Variants in CNTNAP2 observed in about 807,000 individuals in gnomAD.
CNTNAP2 encodes the protein contactin associated protein 2.
CNTNAP2 carries 98 observed loss-of-function variants against 155.2 expected under a neutral mutation model. The observed-to-expected ratio is 0.63, with a 90% CI of 0.54 to 0.75. CNTNAP2 has a LOEUF of 0.75. CNTNAP2 is among the 30% of genes least tolerant of loss of function. The pLI is 0.00. For missense variants in CNTNAP2, 1,727 were observed against 1,688.1 expected (o/e 1.02, Z -0.40); for synonymous variants, 651 against 631.2 (o/e 1.03, Z -0.47).
intron 3 of CNTNAP2, among the ~76,000 whole-genome samples, chr7:146,891,104 T>C (rs1046752283): frequency 2.0e-5 from 3 of 152,206 alleles, no homozygotes; most frequent in African/African-American, 4.8e-5. Context: ...GCAACATGGA[T>C]GCAGCTAGAG....
intron 1 of CNTNAP2, among the ~76,000 whole-genome samples, chr7:146,118,873 CTTAA>C (rs1456685873): frequency 1.3e-5 from 2 of 151,888 alleles, no homozygotes; most frequent in African/African-American, 2.4e-5. Flanking sequence ...TGTGTAATGG[CTTAA>C]TTAAGGTGGC....
chr7:147,275,487 T>C (rs1388386187), intron 8 of CNTNAP2, among the ~76,000 whole-genome samples: 1 of 152,038 alleles, frequency 6.6e-6, no homozygotes, highest in Middle Eastern at 3.2e-3. Flanking sequence ...GCTCGAATGC[T>C]ATTGGTGTAT....
chr7:146,735,301 C>T (rs1801593156), intron 1 of CNTNAP2, among the ~76,000 whole-genome samples: 1 of 152,074 alleles, frequency 6.6e-6, no homozygotes, highest in Non-Finnish European at 1.5e-5. Context: ...GCCTGTAATC[C>T]CGGCACTTTG....
At chr7:147,698,431 T>G (rs1796191373) in intron 13 of CNTNAP2, among the ~76,000 whole-genome samples, 1 of 152,254 alleles carries the variant, frequency 6.6e-6, no homozygotes, top group African/African-American at 2.4e-5. Flanking sequence ...CTATTATTGA[T>G]AGATTTGTTT....
At chr7:148,180,103 C>G (rs1327747411) in intron 18 of CNTNAP2, among the ~76,000 whole-genome samples, 4 of 152,086 alleles carry the variant, frequency 2.6e-5, no homozygotes, top group African/African-American at 9.7e-5. Flanking sequence ...AGAATTTCAC[C>G]CCTATGTGAA....
chr7:147,207,100 C>A (rs1446118287), intron 8 of CNTNAP2, among the ~76,000 whole-genome samples: 1 of 152,180 alleles, frequency 6.6e-6, no homozygotes, highest in African/African-American at 2.4e-5. Flanking sequence ...CAAAATTCTG[C>A]TGAAATGCCT....
chr7:146,876,463 T>C (rs779005620), intron 3 of CNTNAP2, among the ~76,000 whole-genome samples: 1 of 152,164 alleles, frequency 6.6e-6, no homozygotes, highest in Non-Finnish European at 1.5e-5. Context: ...TAAAACTCTA[T>C]AATAAAATAA....
intron 21 of CNTNAP2, among the ~76,000 whole-genome samples, chr7:148,271,228 C>G (rs12539829): frequency 0.36 from 54,320 of 152,070 alleles, 11,431 homozygotes; most frequent in East Asian, 0.6. Context: ...GAATAAGGAG[C>G]TAAGGCTCAA....
chr7:147,906,330 C>T (rs190154129), intron 14 of CNTNAP2, among the ~76,000 whole-genome samples: 1 of 151,936 alleles, frequency 6.6e-6, no homozygotes. Context: ...GCCACCATGC[C>T]CAGCTAATTT....
intron 15 of CNTNAP2, among the ~76,000 whole-genome samples, chr7:148,081,240 G>A (rs1170601708): frequency 6.6e-6 from 1 of 152,150 alleles, no homozygotes; most frequent in South Asian, 2.1e-4. Context: ...TGGGTGAGGG[G>A]GACCTGAGAA....
chr7:146,274,555 C>T (rs544811625), intron 1 of CNTNAP2, among the ~76,000 whole-genome samples: 23 of 151,898 alleles, frequency 1.5e-4, no homozygotes, highest in Non-Finnish European at 2.9e-4. Flanking sequence ...GAACATTTGC[C>T]CCTATTTGTT....
At chr7:146,353,005 C>G (rs970858362) in intron 1 of CNTNAP2, among the ~76,000 whole-genome samples, 1 of 152,116 alleles carries the variant, frequency 6.6e-6, no homozygotes, top group African/African-American at 2.4e-5. Context: ...CTGCCCACCT[C>G]GGCCTCCCCA....
At chr7:146,677,367 A>G (rs1299802589) in intron 1 of CNTNAP2, among the ~76,000 whole-genome samples, 1 of 152,198 alleles carries the variant, frequency 6.6e-6, no homozygotes, top group Admixed American at 6.5e-5. Context: ...CAAAACCTCA[A>G]GGTAGCAGGA....
chr7:147,658,362 A>G (rs1795560479), intron 13 of CNTNAP2, among the ~76,000 whole-genome samples: 1 of 152,202 alleles, frequency 6.6e-6, no homozygotes, highest in African/African-American at 2.4e-5. Flanking sequence ...ACTCTAGTTC[A>G]ATCACAAGCA....
chr7:146,670,361 G>A (rs898701701), intron 1 of CNTNAP2, among the ~76,000 whole-genome samples: 7 of 152,020 alleles, frequency 4.6e-5, no homozygotes, highest in South Asian at 2.1e-4. Flanking sequence ...TCATTCCAGC[G>A]TATGCCATGG....
chr7:146,240,890 G>A (rs565140408), intron 1 of CNTNAP2, among the ~76,000 whole-genome samples: 4 of 152,114 alleles, frequency 2.6e-5, no homozygotes, highest in Non-Finnish European at 5.9e-5. Context: ...GGCTCTGCAC[G>A]CTGTACAAGT....
At chr7:148,030,978 T>C (rs1332095163) in intron 15 of CNTNAP2, among the ~76,000 whole-genome samples, 1 of 152,056 alleles carries the variant, frequency 6.6e-6, no homozygotes, top group Non-Finnish European at 1.5e-5. Flanking sequence ...GATTGTAATA[T>C]GGATTAAGAC....
chr7:147,866,121 T>C (rs1232605685), intron 13 of CNTNAP2, among the ~76,000 whole-genome samples: 2 of 152,264 alleles, frequency 1.3e-5, no homozygotes, highest in Admixed American at 6.5e-5. Context: ...TGGTACGTTG[T>C]GTCTTTGTTC....
intron 8 of CNTNAP2, among the ~76,000 whole-genome samples, chr7:147,198,524 G>A (rs541105232): frequency 7.2e-5 from 11 of 152,212 alleles, no homozygotes; most frequent in South Asian, 2.1e-4. Context: ...GAGCCACCGC[G>A]CCAGGCTGGT....
Sources: gnomAD v4.1 joint callset for allele counts (sites outside exome capture counted in the v4.1 genomes callset) on GRCh38, gnomAD v4.1.1 for gene constraint, MANE v1.5 for transcripts, NCBI Gene and HGNC (gene_info 2026-07-23, HGNC 2026-07-21) for gene names.